The following DBF4B variants were observed in gnomAD, a reference collection of about 807,000 sequenced individuals.
DBF4B encodes DBF4B-CDC7 kinase regulatory subunit.
Under a neutral mutation model 53.4 loss-of-function variants are expected in DBF4B, and 49 were observed. The ratio of observed to expected loss-of-function variants is 0.92; its 90% CI spans 0.73 to 1.16. DBF4B has a LOEUF of 1.16. Among genes scored for constraint, DBF4B ranks in the 50% most tolerant of loss-of-function variants. DBF4B has a pLI of 0.00. For missense variants in DBF4B, 692 were observed against 775.0 expected (o/e 0.89, Z 1.27); for synonymous variants, 257 against 288.7 (o/e 0.89, Z 1.11).
At chr17:44,731,492 A>G (rs998138861) in intron 5 of DBF4B, 5 of 172,498 alleles carry the variant, frequency 2.9e-5, no homozygotes, top group Admixed American at 2.9e-4. Context: ...AGTCCCCGCT[A>G]CGCAGGTGGC....
chr17:44,715,909 C>A (rs1276539909), intron 2 of DBF4B, among the ~76,000 whole-genome samples: 3 of 147,560 alleles, frequency 2.0e-5, no homozygotes, highest in Non-Finnish European at 3.0e-5. Flanking sequence ...TGCAACCTCC[C>A]CCTCCCAGGT....
At chr17:44,712,565 A>G (rs375294263) in intron 2 of DBF4B, among the ~76,000 whole-genome samples, 16 of 151,796 alleles carry the variant, frequency 1.1e-4, no homozygotes, top group African/African-American at 3.1e-4. Context: ...CAGACTCCCA[A>G]AGTGCTGGGA....
At position 44,708,677 on chromosome 17, in the gene DBF4B, C is replaced by A; in HGVS notation, c.-144C>A. Reference sequence around the variant, plus strand: ...CGGCAGGAAATTTAAACTGAAGCCGCGGCCGAAAACGCCAAGAGATTGATG... The same window carrying A: ...CGGCAGGAAATTTAAACTGAAGCCGAGGCCGAAAACGCCAAGAGATTGATG... On this transcript the variant is annotated 5_prime_UTR_variant, in exon 1 of 14. Coordinates refer to ENST00000315005, the MANE Select transcript of DBF4B (RefSeq NM_145663.3). The A allele has an allele frequency of 1.0e-6, 1 of 962,132 alleles. No individual in the cohort carries two copies. Among genetic ancestry groups the A allele is most frequent in the Non-Finnish European group, 1.5e-6 (1 of 688,750 alleles). 59.6% of individuals were successfully genotyped at this position (962,132 alleles called of 1,614,324 possible). A position where few individuals can be genotyped will look rare whatever the true frequency, so the allele number is the denominator to read the frequency against.
intron 3 of DBF4B, among the ~76,000 whole-genome samples, chr17:44,726,292 T>TTTTATTTATTTATTTA (rs377668647): frequency 0.015 from 1,988 of 132,052 alleles, 28 homozygotes; most frequent in East Asian, 0.025. Context: ...CCCGGCCCTT[T>TTTTATTTATTTATTTA]TTTATTTATT....
chr17:44,725,430 T>C (rs1453734040), intron 3 of DBF4B, among the ~76,000 whole-genome samples: 1 of 152,196 alleles, frequency 6.6e-6, no homozygotes, highest in Admixed American at 6.5e-5. Context: ...AATTTAGATA[T>C]AATTCACATG....
intron 13 of DBF4B, 21 bp downstream of exon 13, chr17:44,748,486 A>C: frequency 1.2e-6 from 2 of 1,613,472 alleles, no homozygotes; most frequent in Non-Finnish European, 1.7e-6. Flanking sequence ...GCAGGATGGG[A>C]CAGTGGACAG....
In DBF4B at chr17:44,730,013, C is replaced by T. The variant is rs750842261; in HGVS notation, c.334C>T (p.Pro112Ser). The T allele has an allele frequency of 6.2e-7, 1 of 1,613,580 alleles. No individual in the cohort carries two copies. Among genetic ancestry groups the T allele is most frequent in the African/African-American group, 1.3e-5 (1 of 74,866 alleles). Residue 112 changes from proline to serine, a missense_variant, in exon 4 of 14, where the codon CCC becomes TCC. Pro to Ser is a moderately conservative substitution (Grantham distance 74). Coordinates refer to ENST00000315005, the MANE Select transcript of DBF4B (RefSeq NM_145663.3). ...KSHRGCPSPS[P>S]SEVRVETSAM... ...CCATAGAGGCTGCCCTAGCCCTAGC[C>T]CCAGTGAGGTCAGAGTGGAAACATC...
At chr17:44,708,942 G>T in intron 1 of DBF4B, 103 bp downstream of exon 1, 1 of 1,486,954 alleles carries the variant, frequency 6.7e-7, no homozygotes, top group South Asian at 1.3e-5. Context: ...CCAGCGGGTA[G>T]GTGCCGAAGC....
At chr17:44,719,457 C>T (rs1398745634) in intron 2 of DBF4B, among the ~76,000 whole-genome samples, 8 of 152,232 alleles carry the variant, frequency 5.3e-5, no homozygotes, top group African/African-American at 1.7e-4. Context: ...CTCCTGACTC[C>T]CCAGCCCTAG....
At chr17:44,732,018 G>A in intron 5 of DBF4B, 160 bp from the exon 6 acceptor site, 1 of 620,798 alleles carries the variant, frequency 1.6e-6, no homozygotes, top group East Asian at 2.8e-5. Context: ...CCTGGGGGTT[G>A]GGATGGACTC....
In DBF4B at chr17:44,708,848, G is replaced by GC; in HGVS notation, c.19+11dup. 4.5e-6 allele frequency: 7 copies of GC among 1,551,376 alleles called. No individual in the cohort carries two copies. Among genetic ancestry groups the GC allele is most frequent in the Non-Finnish European group, 6.1e-6 (7 of 1,146,920 alleles). ...GAGCGAACCGGGAAAGGGTACGGATGCCGGGAAGGGGAGAAAGAAAGGCGG... is the reference window on the plus strand; with the variant it reads ...GAGCGAACCGGGAAAGGGTACGGATGCCCGGGAAGGGGAGAAAGAAAGGCGG... On this transcript the variant is annotated intron_variant, in intron 1 of 13. Coordinates refer to ENST00000315005, the MANE Select transcript of DBF4B (RefSeq NM_145663.3).
chr17:44,743,518 G>A (rs1976278767), intron 10 of DBF4B, among the ~76,000 whole-genome samples: 1 of 151,700 alleles, frequency 6.6e-6, no homozygotes, highest in African/African-American at 2.4e-5. Flanking sequence ...TCCGAGTGGT[G>A]CCTCACCCCT....
chr17:44,718,645 A>T (rs1381078186), intron 2 of DBF4B, among the ~76,000 whole-genome samples: 1 of 152,074 alleles, frequency 6.6e-6, no homozygotes, highest in Non-Finnish European at 1.5e-5. Flanking sequence ...CAGGAGGCAC[A>T]TGATGAAGAT....
At chr17:44,725,835 C>T (rs1260114938) in intron 3 of DBF4B, among the ~76,000 whole-genome samples, 3 of 151,428 alleles carry the variant, frequency 2.0e-5, no homozygotes, top group African/African-American at 4.9e-5. Flanking sequence ...TACAGGTGCT[C>T]GCCACCATGC....
intron 3 of DBF4B, among the ~76,000 whole-genome samples, chr17:44,726,547 C>T (rs1267121748): frequency 2.0e-5 from 3 of 151,878 alleles, no homozygotes; most frequent in African/African-American, 7.3e-5. Flanking sequence ...CAGGCATGAG[C>T]CACAGCATCC....
At position 44,751,522 on chromosome 17, in the gene DBF4B, C is replaced by CTAACT; in HGVS notation, c.*269_*270insTAACT. On this transcript the variant is annotated 3_prime_UTR_variant, in exon 14 of 14. Transcript: ENST00000315005. ...ACTGTCTGTCCCTGGCCCTCCAGCC[C>CTAACT]ACCTCGCCAACCACTCTTGTTGGTT... The CTAACT allele has an allele frequency of 1.5e-6, 2 of 1,375,762 alleles. No homozygotes were observed. The highest frequency in any genetic ancestry group is 3.3e-5 in the Admixed American group (1 of 30,742). The allele number at this position is 1,375,762 out of a possible 1,614,324, so 85.2% of individuals were successfully genotyped here. A position where few individuals can be genotyped will look rare whatever the true frequency, so the allele number is the denominator to read the frequency against.
intron 7 of DBF4B, among the ~76,000 whole-genome samples, chr17:44,735,715 G>A (rs539888631): frequency 4.3e-4 from 65 of 152,212 alleles, no homozygotes; most frequent in African/African-American, 1.4e-3. Flanking sequence ...GCAGTGAAGT[G>A]AGTTTTGGGT....
chr17:44,709,226 G>A (rs1972640045), intron 1 of DBF4B, 78 bp from the exon 2 acceptor site: 1 of 1,582,446 alleles, frequency 6.3e-7, no homozygotes, highest in African/African-American at 1.3e-5. Context: ...CGCGTTTTGG[G>A]AGACAGTAGT....
chr17:44,726,501 A>G (rs1356386936), intron 3 of DBF4B, among the ~76,000 whole-genome samples: 2 of 151,334 alleles, frequency 1.3e-5, no homozygotes, highest in African/African-American at 2.4e-5. Context: ...GCGTCAAGCA[A>G]TCCCCCCACC....
Sources: gnomAD v4.1 joint callset for allele counts (sites outside exome capture counted in the v4.1 genomes callset) on GRCh38, gnomAD v4.1.1 for gene constraint, MANE v1.5 for transcripts, NCBI Gene and HGNC (gene_info 2026-07-23, HGNC 2026-07-21) for gene names.